Variants in SAMD3 observed in about 807,000 individuals in gnomAD.
The protein encoded by SAMD3 is sterile alpha motif domain containing 3.
Under a neutral mutation model 58.5 loss-of-function variants are expected in SAMD3, and 63 were observed. The ratio of observed to expected loss-of-function variants is 1.08; its 90% CI spans 0.88 to 1.33. The LOEUF (loss-of-function observed/expected upper bound fraction) is 1.33. Among genes scored for constraint, SAMD3 ranks in the 40% most tolerant of loss-of-function variants. SAMD3 has a pLI of 0.00. For synonymous variants in SAMD3, 220 were observed against 210.3 expected (o/e 1.05, Z -0.40); for missense variants, 604 against 608.4 (o/e 0.99, Z 0.08).
intron 9 of SAMD3, among the ~76,000 whole-genome samples, chr6:130,151,175 A>C (rs910734680): frequency 1.2e-4 from 19 of 152,092 alleles, no homozygotes; most frequent in African/African-American, 4.6e-4. Context: ...GTGCAGCTCC[A>C]TGAGACCTCC....
chr6:130,322,071 C>G (rs542578971), intron 1 of SAMD3, among the ~76,000 whole-genome samples: 4 of 152,272 alleles, frequency 2.6e-5, no homozygotes, highest in Non-Finnish European at 4.4e-5. Context: ...CCTGATCCAG[C>G]CACAGGGTGA....
At chr6:130,214,636 C>T (rs974565087) in intron 3 of SAMD3, 110 bp from the exon 4 acceptor site, 2 of 662,464 alleles carry the variant, frequency 3.0e-6, no homozygotes, top group South Asian at 6.4e-5. Flanking sequence ...AACTTGTCCC[C>T]TGACATTATA....
At chr6:130,357,562 C>T (rs935279004) in intron 1 of SAMD3, among the ~76,000 whole-genome samples, 1 of 152,116 alleles carries the variant, frequency 6.6e-6, no homozygotes, top group Non-Finnish European at 1.5e-5. Flanking sequence ...TAACCATTTC[C>T]CATTAAGAGA....
chr6:130,362,805 T>C (rs1209621793), intron 1 of SAMD3, among the ~76,000 whole-genome samples: 1 of 152,206 alleles, frequency 6.6e-6, no homozygotes, highest in African/African-American at 2.4e-5. Flanking sequence ...GCACATTTAA[T>C]GAACAGAAAA....
At chr6:130,337,013 G>A (rs1477304598) in intron 1 of SAMD3, among the ~76,000 whole-genome samples, 1 of 152,172 alleles carries the variant, frequency 6.6e-6, no homozygotes, top group Non-Finnish European at 1.5e-5. Context: ...AATGCAAATT[G>A]GGCAATGTTG....
At chr6:130,269,343 T>C (rs1254372679) in intron 2 of SAMD3, among the ~76,000 whole-genome samples, 1 of 152,224 alleles carries the variant, frequency 6.6e-6, no homozygotes, top group African/African-American at 2.4e-5. Context: ...CATTTGGGGC[T>C]GGATATTCTT....
intron 5 of SAMD3, among the ~76,000 whole-genome samples, chr6:130,187,379 A>G (rs1398395866): frequency 6.6e-6 from 1 of 152,004 alleles, no homozygotes; most frequent in Non-Finnish European, 1.5e-5. Flanking sequence ...TCCACAATGT[A>G]GCTAGACATA....
At chr6:130,207,396 A>G (rs1412818929) in intron 5 of SAMD3, among the ~76,000 whole-genome samples, 1 of 152,052 alleles carries the variant, frequency 6.6e-6, no homozygotes, top group African/African-American at 2.4e-5. Flanking sequence ...CACCATGAGA[A>G]AGTATCATTA....
chr6:130,194,051 C>G (rs1793837298), intron 5 of SAMD3, among the ~76,000 whole-genome samples: 1 of 152,168 alleles, frequency 6.6e-6, no homozygotes, highest in Non-Finnish European at 1.5e-5. Flanking sequence ...TCTTCCTCAG[C>G]CTCCGCTCCT....
chr6:130,195,059 A>C (rs575785483), intron 5 of SAMD3, among the ~76,000 whole-genome samples: 3,791 of 151,904 alleles, frequency 0.025, 65 homozygotes, highest in Middle Eastern at 0.041. Flanking sequence ...TCTTTTAAGC[A>C]CCCCTTTTTA....
At chr6:130,233,568 G>A (rs1474464772) in intron 2 of SAMD3, among the ~76,000 whole-genome samples, 1 of 152,198 alleles carries the variant, frequency 6.6e-6, no homozygotes, top group East Asian at 1.9e-4. Context: ...GCATCTGGTT[G>A]AGTTTCTATT....
intron 2 of SAMD3, among the ~76,000 whole-genome samples, chr6:130,296,030 C>T (rs559524477): frequency 6.6e-6 from 1 of 152,306 alleles, no homozygotes; most frequent in South Asian, 2.1e-4. Context: ...CCCGCTTCTT[C>T]CCTTCCTCTT....
At chr6:130,321,085 G>T (rs1776569351) in intron 1 of SAMD3, among the ~76,000 whole-genome samples, 1 of 152,092 alleles carries the variant, frequency 6.6e-6, no homozygotes, top group African/African-American at 2.4e-5. Context: ...GGTGAGTGTG[G>T]GCTGGACCTA....
At chr6:130,289,760 A>G (rs1049157190) in intron 2 of SAMD3, among the ~76,000 whole-genome samples, 4 of 152,352 alleles carry the variant, frequency 2.6e-5, no homozygotes, top group Middle Eastern at 3.4e-3. Flanking sequence ...TTGGCCCCCC[A>G]AAGTGCTGGG....
chr6:130,327,554 GC>G (rs1305501314), intron 1 of SAMD3, among the ~76,000 whole-genome samples: 1 of 152,046 alleles, frequency 6.6e-6, no homozygotes, highest in Non-Finnish European at 1.5e-5. Context: ...AATAAAAATA[GC>G]CATTAGACTT....
At chr6:130,319,328 G>A (rs182990815) in intron 1 of SAMD3, among the ~76,000 whole-genome samples, 5 of 152,140 alleles carry the variant, frequency 3.3e-5, no homozygotes. Context: ...ATGAAGAAAA[G>A]TATGCAAAGA....
chr6:130,162,488 GA>G (rs1790364598), intron 8 of SAMD3, among the ~76,000 whole-genome samples: 1 of 151,684 alleles, frequency 6.6e-6, no homozygotes, highest in East Asian at 1.9e-4. Context: ...ATCTTGTTAT[GA>G]AAATGGAATA....
At position 130,144,676 on chromosome 6, in the gene SAMD3, T is replaced by TA. The variant is rs1308969565; in HGVS notation, c.1406dup (p.Val470SerfsTer8). 6.2e-6 allele frequency: 10 copies of TA among 1,614,034 alleles called. No individual in the cohort carries two copies. The Admixed American group carries it at 1.7e-4, about 27-fold the overall frequency. On this transcript the variant is annotated frameshift_variant, in exon 12 of 12. Coordinates refer to ENST00000439090, the MANE Select transcript of SAMD3 (RefSeq NM_001017373.4). LOFTEE classifies it high-confidence loss of function. The stretch of plus-strand genomic sequence containing the variant: ...TCCTAAATACATGAAAGGCAGCTAC[T>TA]AGCGCAGCCAAGGCTGTAACACAGT...
chr6:130,248,009 A>G (rs1247287454), intron 2 of SAMD3, among the ~76,000 whole-genome samples: 9 of 152,094 alleles, frequency 5.9e-5, no homozygotes, highest in African/African-American at 1.2e-4. Context: ...TGTGCACCCC[A>G]TAGTATTGTA....
Sources: gnomAD v4.1 joint callset for allele counts (sites outside exome capture counted in the v4.1 genomes callset) on GRCh38, gnomAD v4.1.1 for gene constraint, MANE v1.5 for transcripts, NCBI Gene and HGNC (gene_info 2026-07-23, HGNC 2026-07-21) for gene names.